Variants in XXYLT1 observed in about 807,000 individuals in gnomAD.
The protein encoded by XXYLT1 is UDP-xylose:alpha-xyloside alpha-1,3-xylosyltransferase.
A neutral mutation model predicts 28.9 loss-of-function variants in XXYLT1; 20 were observed. That is an observed-to-expected ratio of 0.69 (90% CI 0.49 to 1.00). XXYLT1 has a LOEUF of 1.00. XXYLT1 is among the 50% of genes least tolerant of loss of function. XXYLT1 has a pLI of 0.00. For missense variants in XXYLT1, 542 were observed against 560.1 expected (o/e 0.97, Z 0.33); for synonymous variants, 257 against 253.8 (o/e 1.01, Z -0.12).
At position 195,076,506 on chromosome 3, in the gene XXYLT1, C is replaced by T. The variant is rs1052880309; in HGVS notation, c.786-6395G>A. On this transcript the variant is annotated intron_variant, in intron 3 of 3. Transcript: ENST00000310380. The surrounding 1 kb of genome is among the most constrained non-coding windows in gnomAD (Gnocchi z 5.3). ...TCTGGAGAGTTGCCCCTGTTACAGC[C>T]TGCACAGTGGGCCTCATTTTTACCT... Among the ~76,000 whole-genome samples, 2 of 152,198 alleles carry T rather than the reference C, an allele frequency of 1.3e-5. No individual in the cohort carries two copies. Among genetic ancestry groups the T allele is most frequent in the Admixed American group, 6.5e-5 (1 of 15,280 alleles).
intron 3 of XXYLT1, among the ~76,000 whole-genome samples, chr3:195,103,421 C>CGGCCTGCGTCCATCACCCCACGCCAGT (rs1716914323): frequency 1.3e-5 from 2 of 148,290 alleles, no homozygotes; most frequent in Non-Finnish European, 3.0e-5. Flanking sequence ...CCCACGCCAG[C>CGGCCTGCGTCCATCACCCCACGCCAGT]GGCCTGCGTC....
intron 3 of XXYLT1, among the ~76,000 whole-genome samples, chr3:195,092,649 C>T (rs1368774889): frequency 1.2e-4 from 14 of 113,176 alleles, no homozygotes; most frequent in South Asian, 3.6e-4. Flanking sequence ...ACACCAAAAG[C>T]AATGGCAACA....
At chr3:195,071,308 A>C (rs1354209306) in intron 3 of XXYLT1, among the ~76,000 whole-genome samples, 1 of 152,118 alleles carries the variant, frequency 6.6e-6, no homozygotes, top group Non-Finnish European at 1.5e-5. Flanking sequence ...AGACTTCCCC[A>C]CCCAAACCCA....
chr3:195,155,139 C>A (rs951051559), intron 3 of XXYLT1, among the ~76,000 whole-genome samples: 13 of 152,202 alleles, frequency 8.5e-5, no homozygotes, highest in African/African-American at 3.1e-4. Context: ...GAGTTATCAG[C>A]TCATTTAGGG....
chr3:195,177,836 G>A (rs1413445023), intron 2 of XXYLT1, among the ~76,000 whole-genome samples: 1 of 151,776 alleles, frequency 6.6e-6, no homozygotes, highest in Non-Finnish European at 1.5e-5. Context: ...TCAGGAGGCT[G>A]AAGTGGGGTA....
At chr3:195,166,717 C>G (rs938388456) in intron 2 of XXYLT1, among the ~76,000 whole-genome samples, 4 of 152,084 alleles carry the variant, frequency 2.6e-5, no homozygotes, top group African/African-American at 9.6e-5. Flanking sequence ...GAGTCTCACT[C>G]TTTCACCAGG....
At chr3:195,231,521 T>C (rs887472764) in intron 1 of XXYLT1, among the ~76,000 whole-genome samples, 1 of 152,160 alleles carries the variant, frequency 6.6e-6, no homozygotes, top group Non-Finnish European at 1.5e-5. Context: ...TGTGGGCCTG[T>C]TGCATATGGC....
Position 195,240,442 on chromosome 3 carries a change from C to G in XXYLT1, c.505-13586G>C, listed in dbSNP as rs1724726760. Among the ~76,000 whole-genome samples, 1 of 152,366 alleles carries G rather than the reference C, an allele frequency of 6.6e-6. No homozygotes were observed. The highest frequency in any genetic ancestry group is 6.5e-5 in the Admixed American group (1 of 15,310). ...CCTGGGGACATAAACTCAGGCCAAG[C>G]CTTTAGCTCCATTTGGTGGAGAAAA... On this transcript the variant is annotated intron_variant, in intron 1 of 3. Coordinates refer to ENST00000310380, the MANE Select transcript of XXYLT1 (RefSeq NM_152531.5). This position sits in a 1 kb window ranked among gnomAD's most constrained non-coding sequence, Gnocchi z 4.7.
intron 3 of XXYLT1, chr3:195,152,526 A>G (rs1720333209): frequency 6.6e-6 from 1 of 152,452 alleles, no homozygotes; most frequent in Admixed American, 6.5e-5. Flanking sequence ...ACACACTGTC[A>G]GTTCCATGGA....
Position 195,226,788 on chromosome 3 carries a change from G to A in XXYLT1, c.573C>T (p.His191=). 1 of 1,613,892 alleles carries A rather than the reference G, an allele frequency of 6.2e-7. No individual in the cohort carries two copies. The highest frequency in any genetic ancestry group is 8.5e-7 in the Non-Finnish European group (1 of 1,180,004). ...AGTAGGTTCCCAAGCCAGCACTGAA[G>A]TGCTTCTGCATGGCCTCCACGATGG... ...LFPIVEAMQK[H]FSAGLGTYYS... Residue 191 remains histidine (H), a synonymous_variant, in exon 2 of 4, where the codon CAC becomes CAT. Coordinates refer to ENST00000310380, the MANE Select transcript of XXYLT1 (RefSeq NM_152531.5).
intron 1 of XXYLT1, among the ~76,000 whole-genome samples, chr3:195,243,633 C>A (rs886080104): frequency 6.8e-6 from 1 of 146,142 alleles, no homozygotes; most frequent in Non-Finnish European, 1.5e-5. Context: ...ACTAACATGT[C>A]CTGAAGACAC....
rs3796159 is a variant in XXYLT1, at chr3:195,069,705, C to G, written c.*10G>C. ...ATCTGGAGGCCCCGGGGGCAAGGCA[C>G]GGGGAGCGCCTAGTCCTCCGGGATG... On this transcript the variant is annotated 3_prime_UTR_variant, in exon 4 of 4. Transcript: ENST00000310380. 393,529 of 1,603,136 alleles carry G rather than the reference C, an allele frequency of 0.25. 55,439 individuals carry two copies. Among genetic ancestry groups the G allele is most frequent in the East Asian group, 0.62 (27,879 of 44,808 alleles).
intron 2 of XXYLT1, chr3:195,175,547 T>C (rs1235157235): frequency 6.5e-6 from 10 of 1,529,220 alleles, no homozygotes; most frequent in Non-Finnish European, 8.8e-6. Context: ...TGGAGATTCC[T>C]AGGGGTAGTT....
Position 195,263,921 on chromosome 3 carries a change from C to T in XXYLT1, c.504+6634G>A, listed in dbSNP as rs12492110. ...AACAGTGCTGAGACTATAGTGTCGA[C>T]GGGAAAAAGAGGAAGCACCCCTTCT... On this transcript the variant is annotated intron_variant, in intron 1 of 3. Coordinates refer to ENST00000310380, the MANE Select transcript of XXYLT1 (RefSeq NM_152531.5). Among the ~76,000 whole-genome samples, 497 of 152,278 alleles carry T rather than the reference C, an allele frequency of 3.3e-3. 8 individuals are homozygous for T. Among genetic ancestry groups the T allele is most frequent in the Admixed American group, 0.025 (390 of 15,298 alleles).
chr3:195,160,768 C>T (rs1452311697), intron 2 of XXYLT1, among the ~76,000 whole-genome samples: 2 of 152,188 alleles, frequency 1.3e-5, no homozygotes, highest in Non-Finnish European at 2.9e-5. Context: ...GCTTCTCGCA[C>T]TGGAGGGTCT....
At chr3:195,151,872 G>A (rs1183105791) in intron 3 of XXYLT1, among the ~76,000 whole-genome samples, 2 of 119,676 alleles carry the variant, frequency 1.7e-5, no homozygotes, top group South Asian at 3.0e-4. Flanking sequence ...AAAGAGGAGT[G>A]AAGATTAAGG....
At position 195,256,358 on chromosome 3, in the gene XXYLT1, G is replaced by A. The variant is rs945241873; in HGVS notation, c.504+14197C>T. ...GCAACTGTGGCTCATTGACGGTGAC[G>A]ATAAACCTGAGACAGCTCTGGTCAT... On this transcript the variant is annotated intron_variant, in intron 1 of 3. Coordinates refer to ENST00000310380, the MANE Select transcript of XXYLT1 (RefSeq NM_152531.5). This position sits in a 1 kb window ranked among gnomAD's most constrained non-coding sequence, Gnocchi z 4.2. 2.9e-5 allele frequency: 14 copies of A among 478,772 alleles called. No individual in the cohort carries two copies. Among genetic ancestry groups the A allele is most frequent in the South Asian group, 1.8e-4 (2 of 11,276 alleles). 29.7% of individuals were successfully genotyped at this position (478,772 alleles called of 1,614,324 possible).
At chr3:195,116,439 T>C (rs73890684) in intron 3 of XXYLT1, among the ~76,000 whole-genome samples, 4,877 of 152,268 alleles carry the variant, frequency 0.032, 228 homozygotes, top group African/African-American at 0.11. Context: ...TGAACTACAC[T>C]TTGAGTAGTG....
chr3:195,170,484 G>A (rs564972796), intron 2 of XXYLT1, among the ~76,000 whole-genome samples: 11 of 152,282 alleles, frequency 7.2e-5, no homozygotes, highest in African/African-American at 2.6e-4. Flanking sequence ...CAACCTTCCT[G>A]CTTCACCACA....
Sources: allele counts gnomAD v4.1 joint callset (sites outside exome capture counted in the v4.1 genomes callset), GRCh38; gene constraint gnomAD v4.1.1; non-coding constraint Gnocchi (gnomAD v3.1); transcripts MANE v1.5; gene names NCBI Gene and HGNC (gene_info 2026-07-23, HGNC 2026-07-21).